CHN2: variants seen among roughly 807,000 people sequenced by gnomAD.
CHN2 encodes the protein beta-chimaerin.
In CHN2, 35 loss-of-function variants were observed where a neutral mutation model predicts 56.3. The ratio of observed to expected loss-of-function variants is 0.62; its 90% CI spans 0.47 to 0.82. The LOEUF (loss-of-function observed/expected upper bound fraction) is 0.82, where lower values mean the gene tolerates loss of function less well. Ranked by LOEUF, CHN2 falls within the 40% of genes least tolerant of loss-of-function variation. The probability of loss-of-function intolerance (pLI) is 0.00; values close to 1 mark genes in which losing one functional copy is unlikely to be tolerated. For missense variants in CHN2, 491 were observed against 580.5 expected, an observed-to-expected ratio of 0.85 and a Z score of 1.58; for synonymous variants, 210 against 212.8, an observed-to-expected ratio of 0.99 and a Z score of 0.12.
At chr7:29,184,205 GAT>G (rs909760817) in intron 2 of CHN2, among the ~76,000 whole-genome samples, 1 of 141,436 alleles carries the variant, frequency 7.1e-6, no homozygotes, top group Non-Finnish European at 1.6e-5. Context: ...AGATAAAAGA[GAT>G]ATTTATAGAA....
In CHN2 at chr7:29,408,340, A is replaced by C. The variant is rs150622493; in HGVS notation, c.576+7512A>C. Reference sequence around the variant, plus strand: ...TGATTGTCAAGTGCAGGGCTTGAGAACCTGGGTTAGATGGAAGGGGAGACG... The same window carrying C: ...TGATTGTCAAGTGCAGGGCTTGAGACCCTGGGTTAGATGGAAGGGGAGACG... On this transcript the variant is annotated intron_variant, in intron 6 of 12. Transcript: ENST00000222792. Among the ~76,000 whole-genome samples the C allele has an allele frequency of 3.3e-5, 5 of 152,240 alleles. No individual in the cohort carries two copies. The East Asian group carries it at 9.6e-4, about 29-fold the overall frequency.
At chr7:29,341,876 G>T (rs1797073644) in intron 1 of CHN2, among the ~76,000 whole-genome samples, 1 of 152,170 alleles carries the variant, frequency 6.6e-6, no homozygotes. Flanking sequence ...AACAGATCTG[G>T]ATTTGAATTC....
intron 2 of CHN2, among the ~76,000 whole-genome samples, chr7:29,361,356 C>T (rs1210180906): frequency 5.3e-5 from 8 of 152,008 alleles, no homozygotes; most frequent in South Asian, 4.2e-4. Context: ...ATATGGTTGC[C>T]GTGGTAATTG....
chr7:29,353,930 G>A (rs113291629), intron 1 of CHN2, among the ~76,000 whole-genome samples: 11 of 152,352 alleles, frequency 7.2e-5, no homozygotes, highest in Middle Eastern at 3.4e-3. Flanking sequence ...TCAGCATTGG[G>A]ATGGTTGAGT....
chr7:29,481,376 T>C (rs1787208406), intron 7 of CHN2, among the ~76,000 whole-genome samples: 1 of 152,214 alleles, frequency 6.6e-6, no homozygotes, highest in South Asian at 2.1e-4. Context: ...GGGAAACTGA[T>C]TTTATTCTGT....
intron 1 of CHN2, among the ~76,000 whole-genome samples, chr7:29,299,033 T>G (rs1379833150): frequency 1.3e-5 from 2 of 152,152 alleles, no homozygotes; most frequent in Non-Finnish European, 2.9e-5. Flanking sequence ...TTGAATTTAT[T>G]GGGAAAAAAG....
At chr7:29,210,227 A>G (rs997329838) in intron 1 of CHN2, among the ~76,000 whole-genome samples, 1 of 152,296 alleles carries the variant, frequency 6.6e-6, no homozygotes, top group East Asian at 1.9e-4. Flanking sequence ...AGCAATTACC[A>G]GTGGCATCAT....
At chr7:29,351,311 A>ATTTGTTTTGT (rs55748610) in intron 1 of CHN2, among the ~76,000 whole-genome samples, 1 of 151,428 alleles carries the variant, frequency 6.6e-6, no homozygotes, top group African/African-American at 2.4e-5. Context: ...CATTTAATAC[A>ATTTGTTTTGT]TTTGTTTTGT....
intron 2 of CHN2, among the ~76,000 whole-genome samples, chr7:29,365,086 C>T (rs1799040916): frequency 6.6e-6 from 1 of 152,154 alleles, no homozygotes; most frequent in Non-Finnish European, 1.5e-5. Flanking sequence ...TCTCAGTCCT[C>T]ATTACAGGGG....
At chr7:29,262,636 C>A (rs116431163) in intron 1 of CHN2, among the ~76,000 whole-genome samples, 8 of 152,214 alleles carry the variant, frequency 5.3e-5, no homozygotes, top group African/African-American at 1.7e-4. Flanking sequence ...ACCTTCCTTA[C>A]TAAAAAGAAA....
intron 6 of CHN2, among the ~76,000 whole-genome samples, chr7:29,442,371 A>G (rs150780984): frequency 5.1e-4 from 78 of 152,256 alleles, no homozygotes; most frequent in African/African-American, 1.8e-3. Context: ...TGCCAACCAA[A>G]TAGGATTAGG....
At chr7:29,227,848 A>C (rs770412340) in intron 1 of CHN2, among the ~76,000 whole-genome samples, 2 of 152,154 alleles carry the variant, frequency 1.3e-5, no homozygotes, top group Non-Finnish European at 2.9e-5. Flanking sequence ...AAACAACCCA[A>C]GTGATACACA....
At chr7:29,209,507 G>C (rs1156881965) in intron 1 of CHN2, among the ~76,000 whole-genome samples, 2 of 152,108 alleles carry the variant, frequency 1.3e-5, no homozygotes, top group Non-Finnish European at 2.9e-5. Context: ...GAAGCACTTT[G>C]TTTTATGGTT....
intron 3 of CHN2, chr7:29,376,487 C>G (rs904814402): frequency 6.6e-6 from 1 of 152,226 alleles, no homozygotes; most frequent in East Asian, 1.9e-4. Context: ...TGTGGCCCAT[C>G]CCACACCTGA....
At chr7:29,286,845 A>G (rs559469221) in intron 1 of CHN2, among the ~76,000 whole-genome samples, 63 of 152,276 alleles carry the variant, frequency 4.1e-4, no homozygotes, top group African/African-American at 1.5e-3. Context: ...CTTTATTCAC[A>G]TTCATTTATA....
At chr7:29,187,359 GT>G (rs1370037994) in intron 2 of CHN2, among the ~76,000 whole-genome samples, 4 of 152,096 alleles carry the variant, frequency 2.6e-5, no homozygotes, top group Non-Finnish European at 5.9e-5. Flanking sequence ...GTGTGTGTGT[GT>G]GTGTGACAAA....
At chr7:29,433,181 C>T (rs1246807904) in intron 6 of CHN2, among the ~76,000 whole-genome samples, 1 of 151,926 alleles carries the variant, frequency 6.6e-6, no homozygotes, top group African/African-American at 2.4e-5. Flanking sequence ...TTTTTTGTTA[C>T]ACTTTGGCAA....
intron 6 of CHN2, among the ~76,000 whole-genome samples, chr7:29,447,360 A>C (rs911492206): frequency 6.6e-6 from 1 of 152,228 alleles, no homozygotes; most frequent in Non-Finnish European, 1.5e-5. Context: ...AAATTGCAGA[A>C]GAAAAGATTA....
At chr7:29,193,442 A>C (rs1368690017), upstream of CHN2, 1 of 152,186 alleles carries the variant, frequency 6.6e-6, no homozygotes, top group Non-Finnish European at 1.5e-5. Context: ...ATGTTTTAAA[A>C]AGTTGAACTA....
Sources: gnomAD v4.1 joint callset for allele counts (sites outside exome capture counted in the v4.1 genomes callset) on GRCh38, gnomAD v4.1.1 for gene constraint, MANE v1.5 for transcripts, NCBI Gene and HGNC (gene_info 2026-07-23, HGNC 2026-07-21) for gene names.